CHD7: variants seen among roughly 807,000 people sequenced by gnomAD.
The protein encoded by CHD7 is ATP-dependent chromatin remodeler CHD7.
A neutral mutation model predicts 307.3 loss-of-function variants in CHD7; 24 were observed. That is an observed-to-expected ratio of 0.08 (90% confidence interval 0.06 to 0.11). The LOEUF is 0.11. Among genes scored for constraint, CHD7 ranks in the 10% least tolerant of loss-of-function variants. The pLI, the probability that CHD7 is intolerant of heterozygous loss-of-function variation, is 1.00. For missense variants in CHD7, 3,106 were observed against 3,727.1 expected (o/e 0.83, Z 4.34); for synonymous variants, 1,363 against 1,349.9 (o/e 1.01, Z -0.21).
At chr8:60,812,623 C>T (rs1812865308) in intron 7 of CHD7, among the ~76,000 whole-genome samples, 1 of 143,296 alleles carries the variant, frequency 7.0e-6, no homozygotes. Flanking sequence ...GAGATTGCGC[C>T]ATTGCACTCC....
At chr8:60,861,306 C>T (rs1344534377) in intron 35 of CHD7, 181 bp downstream of exon 35, 1 of 561,752 alleles carries the variant, frequency 1.8e-6, no homozygotes, top group Non-Finnish European at 3.1e-6. Flanking sequence ...AGCTTCAGGT[C>T]TGTCTTACTG....
At chr8:60,836,599 TTTCCC>T (rs1804750821) in intron 16 of CHD7, among the ~76,000 whole-genome samples, 1 of 152,232 alleles carries the variant, frequency 6.6e-6, no homozygotes, top group South Asian at 2.1e-4. Flanking sequence ...AATTTAACTA[TTTCCC>T]TGGAGAGGAA....
At chr8:60,740,759 C>T (rs1808957945) in intron 1 of CHD7, among the ~76,000 whole-genome samples, 1 of 152,212 alleles carries the variant, frequency 6.6e-6, no homozygotes, top group Admixed American at 6.5e-5. Flanking sequence ...ATCCTCTAGT[C>T]AATTTAACTA....
chr8:60,682,453 TCTGTGTGCCTG>T (rs2150472424), intron 1 of CHD7, among the ~76,000 whole-genome samples: 1 of 152,358 alleles, frequency 6.6e-6, no homozygotes, highest in East Asian at 1.9e-4. Flanking sequence ...TGTAAATGCT[TCTGTGTGCCTG>T]CTGTGTAACC....
intron 23 of CHD7, 31 bp from the exon 24 acceptor site, chr8:60,848,484 A>G (rs760351161): frequency 6.5e-7 from 1 of 1,545,056 alleles, no homozygotes; most frequent in South Asian, 1.2e-5. Context: ...TGAAGTTAAG[A>G]ACTTTTTCCC....
At chr8:60,729,425 A>T (rs770364867) in intron 1 of CHD7, among the ~76,000 whole-genome samples, 11 of 152,216 alleles carry the variant, frequency 7.2e-5, no homozygotes, top group Non-Finnish European at 1.6e-4. Context: ...ATGTTTAGAG[A>T]TGCAGCAGAT....
At chr8:60,798,921 AT>A (rs1314826231) in intron 4 of CHD7, among the ~76,000 whole-genome samples, 8 of 152,008 alleles carry the variant, frequency 5.3e-5, no homozygotes, top group Admixed American at 5.2e-4. Context: ...ATAATATAGA[AT>A]TACTCTGAAC....
At chr8:60,748,595 A>C (rs1025645846) in intron 2 of CHD7, among the ~76,000 whole-genome samples, 3 of 152,148 alleles carry the variant, frequency 2.0e-5, no homozygotes, top group Non-Finnish European at 4.4e-5. Context: ...ACAGAGCAAC[A>C]TTTTGTTCAT....
intron 2 of CHD7, among the ~76,000 whole-genome samples, chr8:60,765,244 T>C (rs1318392285): frequency 6.6e-6 from 1 of 151,186 alleles, no homozygotes; most frequent in Non-Finnish European, 1.5e-5. Flanking sequence ...CACGCATGCA[T>C]GCACACACAC....
chr8:60,844,726 C>G, intron 21 of CHD7, 138 bp from the exon 22 acceptor site: 1 of 662,390 alleles, frequency 1.5e-6, no homozygotes, highest in East Asian at 2.8e-5. Context: ...CTCTTGCACC[C>G]TGGATTTCTT....
intron 6 of CHD7, among the ~76,000 whole-genome samples, chr8:60,805,598 C>T (rs1309437475): frequency 6.6e-6 from 1 of 152,108 alleles, no homozygotes; most frequent in Non-Finnish European, 1.5e-5. Flanking sequence ...CTGTAAGAGT[C>T]AGAGCTTTCT....
chr8:60,787,094 T>C (rs1811526240), intron 3 of CHD7, among the ~76,000 whole-genome samples: 1 of 152,210 alleles, frequency 6.6e-6, no homozygotes, highest in South Asian at 2.1e-4. Flanking sequence ...ATACTAATTT[T>C]ATGTGTAGCC....
chr8:60,688,319 G>C (rs1307060914), intron 1 of CHD7, among the ~76,000 whole-genome samples: 4 of 152,008 alleles, frequency 2.6e-5, no homozygotes, highest in Admixed American at 6.5e-5. Context: ...AACATACTTG[G>C]TATAGCATAT....
chr8:60,859,891 T>C (rs1805889329), intron 34 of CHD7, among the ~76,000 whole-genome samples: 1 of 152,178 alleles, frequency 6.6e-6, no homozygotes, highest in African/African-American at 2.4e-5. Flanking sequence ...GACATAATTT[T>C]TTGAACTGGG....
At position 60,770,940 on chromosome 8, in the gene CHD7, C is replaced by CTT. The variant is rs142683518; in HGVS notation, c.1666-10058_1666-10057dup. Among the ~76,000 whole-genome samples, 1,092 of 152,304 alleles carry CTT rather than the reference C, an allele frequency of 7.2e-3. 18 individuals are homozygous for CTT. The highest frequency in any genetic ancestry group is 0.043 in the South Asian group (208 of 4,832). ...TAGGCATAATGTTTGAGAATGTGGGCTTTGCCAGAGGTTGCCTGGTTTGAA... is the reference window on the plus strand; with the variant it reads ...TAGGCATAATGTTTGAGAATGTGGGCTTTTTGCCAGAGGTTGCCTGGTTTGAA... On this transcript the variant is annotated intron_variant, in intron 2 of 37. Coordinates refer to ENST00000423902, the MANE Select transcript of CHD7 (RefSeq NM_017780.4).
intron 2 of CHD7, among the ~76,000 whole-genome samples, chr8:60,760,450 A>G (rs1172268931): frequency 6.8e-6 from 1 of 146,896 alleles, no homozygotes; most frequent in Non-Finnish European, 1.5e-5. Flanking sequence ...CTTCATGTCT[A>G]AAACACCAAA....
At chr8:60,848,086 G>A (rs753344632) in intron 23 of CHD7, among the ~76,000 whole-genome samples, 19 of 152,132 alleles carry the variant, frequency 1.2e-4, no homozygotes, top group Non-Finnish European at 2.1e-4. Context: ...CTTCTGATGT[G>A]CTTCCAAAAA....
rs768584918 is a variant in CHD7 at position 60,743,117 on chromosome 8, A to G, written c.1665+20A>G. On this transcript the variant is annotated intron_variant, in intron 2 of 37. Transcript: ENST00000423902. ...CATCAGGTAAGGGGACACAGAGCCT[A>G]CCTCTGCATTGCAGTGTGAAATTCA... is the stretch of plus-strand genomic sequence containing the variant. 1.9e-6 allele frequency: 3 copies of G among 1,594,774 alleles called. No individual in the cohort carries two copies. Among genetic ancestry groups the G allele is most frequent in the Non-Finnish European group, 2.6e-6 (3 of 1,165,358 alleles).
rs1586462940 is a variant in CHD7 at position 60,862,596 on chromosome 8, G to A, written c.8020G>A (p.Glu2674Lys). The A allele has an allele frequency of 6.3e-7, 1 of 1,578,268 alleles. No individual in the cohort carries two copies. The highest frequency in any genetic ancestry group is 8.6e-7 in the Non-Finnish European group (1 of 1,160,778). ...PPMKDLPRWL[E>K]ENPEFAVAPD... ...AATGAAGGATCTACCCAGGTGGCTG[G>A]AAGAAAATCCTGAATTTGCAGTTGC... The change falls in exon 37 of 38, where the codon GAA becomes AAA. Residue 2674 changes from glutamate (E) to lysine (K), a missense_variant. Around this residue, in one of 10 missense-constraint regions of CHD7, gnomAD observed 59 missense variants for 106.2 expected, o/e 0.56. Transcript: ENST00000423902.
Sources: allele counts gnomAD v4.1 joint callset (sites outside exome capture counted in the v4.1 genomes callset), GRCh38; gene constraint gnomAD v4.1.1; regional missense constraint gnomAD v4.1.1; transcripts MANE v1.5; gene names NCBI Gene and HGNC (gene_info 2026-07-23, HGNC 2026-07-21).